Variants in CNTN5 observed in about 807,000 individuals in gnomAD.
The protein encoded by CNTN5 is contactin 5, also known as contactin-5.
CNTN5 carries 77 observed loss-of-function variants against 129.1 expected under a neutral mutation model. The ratio of observed to expected loss-of-function variants is 0.60; its 90% confidence interval spans 0.50 to 0.72. CNTN5 has a LOEUF of 0.72. Among genes scored for constraint, CNTN5 ranks in the 30% least tolerant of loss-of-function variants. CNTN5 has a pLI of 0.00. For missense variants in CNTN5, 1,478 were observed against 1,328.8 expected (o/e 1.11, Z -1.75); for synonymous variants, 509 against 465.6 (o/e 1.09, Z -1.20).
intron 1 of CNTN5, among the ~76,000 whole-genome samples, chr11:99,082,815 GAT>G (rs2135288342): frequency 6.6e-6 from 1 of 152,142 alleles, no homozygotes; most frequent in Admixed American, 6.5e-5. Flanking sequence ...CAAATACAAT[GAT>G]ATATATACAT....
intron 2 of CNTN5, among the ~76,000 whole-genome samples, chr11:99,440,334 A>G (rs1943776506): frequency 6.6e-6 from 1 of 152,112 alleles, no homozygotes; most frequent in Non-Finnish European, 1.5e-5. Flanking sequence ...TATTACTAAC[A>G]TTTAAAATCT....
At chr11:99,609,051 C>T (rs889203992) in intron 3 of CNTN5, among the ~76,000 whole-genome samples, 11 of 152,158 alleles carry the variant, frequency 7.2e-5, no homozygotes, top group Admixed American at 5.9e-4. Context: ...TGACTATTCC[C>T]AAATGTCTCC....
At chr11:99,791,041 A>G (rs1945723597) in intron 3 of CNTN5, among the ~76,000 whole-genome samples, 2 of 151,668 alleles carry the variant, frequency 1.3e-5, no homozygotes, top group African/African-American at 4.8e-5. Context: ...CTTATAGATT[A>G]TTAGACCTTA....
chr11:100,350,865 A>T lies in CNTN5; in HGVS notation c.3194A>T (p.Tyr1065Phe), dbSNP rs1944169. The T allele has an allele frequency of 5.5e-3, 8,572 of 1,567,030 alleles. 372 individuals are homozygous for T. In the African/African-American group the frequency reaches 0.096, roughly 17 times the overall value. ...AGTTCTCAAATTAGGGTACCATCATATTCAGGTAAGTTTTGACACAGTAGA... is the reference window on the plus strand; with the variant it reads ...AGTTCTCAAATTAGGGTACCATCATTTTCAGGTAAGTTTTGACACAGTAGA... ...TASSQIRVPSYSGGKITSAQS... is the reference protein window; with the variant it reads ...TASSQIRVPSFSGGKITSAQS... Residue 1065 changes from tyrosine to phenylalanine, a missense_variant, in exon 24 of 25, where the codon TAT (tyrosine) becomes TTT (phenylalanine). By Grantham distance (22) the Tyr-to-Phe change is conservative. Coordinates refer to ENST00000524871, the MANE Select transcript of CNTN5 (RefSeq NM_014361.4).
At chr11:100,096,296 A>T (rs146896184) in intron 13 of CNTN5, among the ~76,000 whole-genome samples, 338 of 152,196 alleles carry the variant, frequency 2.2e-3, no homozygotes, top group African/African-American at 7.3e-3. Flanking sequence ...GGGGAGGATA[A>T]TGACACCTAT....
At chr11:99,219,074 C>A (rs1565412669) in intron 1 of CNTN5, among the ~76,000 whole-genome samples, 1 of 151,856 alleles carries the variant, frequency 6.6e-6, no homozygotes, top group Non-Finnish European at 1.5e-5. Flanking sequence ...CCATTCATTG[C>A]AATGAAACCA....
intron 1 of CNTN5, among the ~76,000 whole-genome samples, chr11:99,322,894 T>A (rs1865628035): frequency 6.6e-6 from 1 of 152,176 alleles, no homozygotes; most frequent in South Asian, 2.1e-4. Context: ...GATTAAAAAA[T>A]CACAGCAAAA....
chr11:99,946,576 T>C (rs1444238661), intron 7 of CNTN5, among the ~76,000 whole-genome samples: 1 of 151,974 alleles, frequency 6.6e-6, no homozygotes, highest in African/African-American at 2.4e-5. Context: ...CCTAGAAAAC[T>C]ACTGGGCAAA....
At chr11:100,312,354 T>C (rs1337631635) in intron 21 of CNTN5, among the ~76,000 whole-genome samples, 2 of 152,048 alleles carry the variant, frequency 1.3e-5, no homozygotes, top group Non-Finnish European at 2.9e-5. Context: ...TCTCTTTTCC[T>C]CTCTTTTCTG....
chr11:99,788,341 A>T (rs902295540), intron 3 of CNTN5, among the ~76,000 whole-genome samples: 1 of 151,904 alleles, frequency 6.6e-6, no homozygotes, highest in African/African-American at 2.4e-5. Context: ...AAAAAATTGA[A>T]GTTAAAAACT....
chr11:99,942,195 T>G (rs1292028349), intron 7 of CNTN5, among the ~76,000 whole-genome samples: 1 of 152,078 alleles, frequency 6.6e-6, no homozygotes, highest in Non-Finnish European at 1.5e-5. Context: ...TATGCCACGT[T>G]TGCACAGTAA....
At chr11:99,145,144 G>A (rs10892811) in intron 1 of CNTN5, among the ~76,000 whole-genome samples, 138,351 of 152,210 alleles carry the variant, frequency 0.91, 63,136 homozygotes, top group East Asian at 0.99. Context: ...ATCTCAGCTC[G>A]CTACAACCTC....
chr11:99,978,025 C>T (rs1295345641), intron 8 of CNTN5, among the ~76,000 whole-genome samples: 1 of 152,208 alleles, frequency 6.6e-6, no homozygotes, highest in African/African-American at 2.4e-5. Flanking sequence ...ACATATATGA[C>T]AGTGGTCTCA....
chr11:99,662,276 AG>A (rs1053647793), intron 3 of CNTN5, among the ~76,000 whole-genome samples: 2 of 152,144 alleles, frequency 1.3e-5, no homozygotes, highest in African/African-American at 4.8e-5. Flanking sequence ...GTGACTAATA[AG>A]GGGGGATTGA....
At chr11:99,900,015 G>T (rs796206658) in intron 6 of CNTN5, among the ~76,000 whole-genome samples, 2 of 151,562 alleles carry the variant, frequency 1.3e-5, no homozygotes, top group Admixed American at 6.6e-5. Flanking sequence ...TCTAGCTTGC[G>T]TTCATAAAGG....
chr11:100,288,279 C>G (rs1433104239), intron 18 of CNTN5, among the ~76,000 whole-genome samples: 1 of 142,102 alleles, frequency 7.0e-6, no homozygotes, highest in Non-Finnish European at 1.5e-5. Context: ...CTACAGAACT[C>G]TCCACCCCAA....
At chr11:100,126,014 T>G (rs562291229) in intron 13 of CNTN5, among the ~76,000 whole-genome samples, 16 of 152,258 alleles carry the variant, frequency 1.1e-4, no homozygotes, top group African/African-American at 3.6e-4. Flanking sequence ...CTATTTTCAT[T>G]TATTTCAAAT....
chr11:99,558,398 T>A, intron 3 of CNTN5: 2 of 276,196 alleles, frequency 7.2e-6, no homozygotes, highest in Non-Finnish European at 1.5e-5. Context: ...TTGTTTTGTT[T>A]TTAGCTCTGG....
At position 99,980,695 on chromosome 11, in the gene CNTN5, A is replaced by G. The variant is rs371593644; in HGVS notation, c.878-21339A>G. On this transcript the variant is annotated intron_variant, in intron 8 of 24. Transcript: ENST00000524871. The stretch of plus-strand genomic sequence containing the variant: ...ATAGTCAATAATTTATTTGATGGTA[A>G]GATTCTTTTTGTTTTTTATTTCAGC... Among the ~76,000 whole-genome samples, 35 of 152,234 alleles carry G rather than the reference A, an allele frequency of 2.3e-4. No individual in the cohort carries two copies. In the East Asian group the frequency reaches 2.5e-3, roughly 11 times the overall value.
Sources: gnomAD v4.1 joint callset for allele counts (sites outside exome capture counted in the v4.1 genomes callset) on GRCh38, gnomAD v4.1.1 for gene constraint, MANE v1.5 for transcripts, NCBI Gene and HGNC (gene_info 2026-07-23, HGNC 2026-07-21) for gene names.